BCAS3: variants seen among roughly 807,000 people sequenced by gnomAD.
BCAS3 encodes the protein BCAS3 microtubule associated cell migration factor, also known as BCAS4/BCAS3 fusion.
A neutral mutation model predicts 116.1 loss-of-function variants in BCAS3; 53 were observed. The observed-to-expected ratio is 0.46, with a 90% CI of 0.37 to 0.57. The LOEUF is 0.57. Ranked by LOEUF, BCAS3 falls within the 20% of genes least tolerant of loss-of-function variation. The pLI, the probability that BCAS3 is intolerant of heterozygous loss-of-function variation, is 0.00. For synonymous variants in BCAS3, 391 were observed against 408.2 expected, an observed-to-expected ratio of 0.96 and a Z score of 0.51; for missense variants, 917 against 1,165.4, an observed-to-expected ratio of 0.79 and a Z score of 3.10.
rs560277871 is a variant in BCAS3, at chr17:60,985,141, C to CTTT, written c.1222-4811_1222-4809dup. Among the ~76,000 whole-genome samples, 70 of 120,348 alleles carry CTTT rather than the reference C, an allele frequency of 5.8e-4. No homozygotes were observed. In the East Asian group the frequency reaches 0.011, roughly 19 times the overall value. The allele number at this position is 120,348 out of a possible 152,430, so 79.0% of individuals were successfully genotyped here. On this transcript the variant is annotated intron_variant, in intron 14 of 23. Coordinates refer to ENST00000407086, the MANE Select transcript of BCAS3 (RefSeq NM_017679.5). Reference sequence around the variant, plus strand: ...GAGTTATAAACGATTCAACTGTATTCTTTTTTTTTTTTTTTTTTTTTGAGA... The same window carrying CTTT: ...GAGTTATAAACGATTCAACTGTATTCTTTTTTTTTTTTTTTTTTTTTTTTGAGA...
At position 61,126,394 on chromosome 17, in the gene BCAS3, G is replaced by A. The variant is rs769429727; in HGVS notation, c.2425+41830G>A. ...AGCAGTGTATATGTGTCATGTTATCGCACGTGAACCACTGCCTATGTTAAA... is the reference window on the plus strand; with the variant it reads ...AGCAGTGTATATGTGTCATGTTATCACACGTGAACCACTGCCTATGTTAAA... On this transcript the variant is annotated intron_variant, in intron 22 of 23. Coordinates refer to ENST00000407086, the MANE Select transcript of BCAS3 (RefSeq NM_017679.5). This position sits in a 1 kb window ranked among gnomAD's most constrained non-coding sequence, Gnocchi z 4.6. Among the ~76,000 whole-genome samples the A allele has an allele frequency of 6.6e-6, 1 of 152,116 alleles. No individual in the cohort carries two copies. Among genetic ancestry groups the A allele is most frequent in the Admixed American group, 6.5e-5 (1 of 15,270 alleles).
intron 9 of BCAS3, among the ~76,000 whole-genome samples, chr17:60,880,275 T>A (rs903006301): frequency 2.0e-5 from 3 of 152,186 alleles, no homozygotes; most frequent in African/African-American, 7.2e-5. Flanking sequence ...TTCACTTTTT[T>A]TTTTTTATTG....
chr17:60,865,686 A>G (rs1209111749), intron 7 of BCAS3, among the ~76,000 whole-genome samples: 1 of 152,238 alleles, frequency 6.6e-6, no homozygotes, highest in Non-Finnish European at 1.5e-5. Context: ...AATGTTATCT[A>G]TAAATAGATC....
At position 60,874,677 on chromosome 17, in the gene BCAS3, C is replaced by T; in HGVS notation, c.600C>T (p.Val200=). Reference sequence around the variant, plus strand: ...CTAATTTTAGGATCCTTGTCGTAGTCTTGCAGGAGAAAATTGCTGCCTTTG... The same window carrying T: ...CTAATTTTAGGATCCTTGTCGTAGTTTTGCAGGAGAAAATTGCTGCCTTTG... The part of the protein sequence containing the change: ...LHCNKRILVV[V]LQEKIAAFDS... Residue 200 remains valine, a synonymous_variant, in exon 9 of 24, where the codon GTC becomes GTT. Transcript: ENST00000407086. 1 of 1,608,056 alleles carries T rather than the reference C, an allele frequency of 6.2e-7. No homozygotes were observed. Among genetic ancestry groups the T allele is most frequent in the African/African-American group, 1.3e-5 (1 of 74,632 alleles).
At chr17:60,794,047 C>T (rs778456633) in intron 6 of BCAS3, among the ~76,000 whole-genome samples, 44 of 152,122 alleles carry the variant, frequency 2.9e-4, no homozygotes, top group Admixed American at 7.2e-4. Flanking sequence ...GTTCCCTGAT[C>T]GCCGCATCCA....
At chr17:61,090,325 A>G (rs191192999) in intron 22 of BCAS3, among the ~76,000 whole-genome samples, 1 of 152,356 alleles carries the variant, frequency 6.6e-6, no homozygotes, top group East Asian at 1.9e-4. Context: ...ACTCCAGGGC[A>G]TATACCTTGG....
In BCAS3 at chr17:61,364,326, CG is replaced by C. The variant is rs1278009215; in HGVS notation, c.2426-3998del. Reference sequence around the variant, plus strand: ...CACCACCACCAAACTCCAAGCAACTCGGGCTGGTTGGGAGTGGGAAGGGTTT... The same window carrying C: ...CACCACCACCAAACTCCAAGCAACTCGGCTGGTTGGGAGTGGGAAGGGTTT... On this transcript the variant is annotated intron_variant, in intron 22 of 23. Transcript: ENST00000407086. This position sits in a 1 kb window ranked among gnomAD's most constrained non-coding sequence, Gnocchi z 5.4. Among the ~76,000 whole-genome samples, 4 of 152,172 alleles carry C rather than the reference CG, an allele frequency of 2.6e-5. No homozygotes were observed. The highest frequency in any genetic ancestry group is 9.7e-5 in the African/African-American group (4 of 41,438).
chr17:61,027,796 T>C (rs1355944011), intron 16 of BCAS3, among the ~76,000 whole-genome samples: 2 of 151,904 alleles, frequency 1.3e-5, no homozygotes, highest in Non-Finnish European at 2.9e-5. Flanking sequence ...AATAAGCTGA[T>C]ACATATCTCA....
At chr17:61,054,462 G>A (rs925157602) in intron 19 of BCAS3, among the ~76,000 whole-genome samples, 2 of 152,140 alleles carry the variant, frequency 1.3e-5, no homozygotes, top group African/African-American at 4.8e-5. Flanking sequence ...AACCTCCCAG[G>A]CTCAGGTGAT....
chr17:60,814,381 T>C (rs1433903579), intron 7 of BCAS3, among the ~76,000 whole-genome samples: 1 of 151,936 alleles, frequency 6.6e-6, no homozygotes, highest in Non-Finnish European at 1.5e-5. Flanking sequence ...TATATAGAAA[T>C]GTTACTGATT....
chr17:61,301,381 C>G (rs2053417632), intron 22 of BCAS3, among the ~76,000 whole-genome samples: 1 of 152,304 alleles, frequency 6.6e-6, no homozygotes, highest in Admixed American at 6.5e-5. Flanking sequence ...CGCCTGTAAT[C>G]CCAGCACTTT....
chr17:60,881,530 G>C (rs1227572107), intron 9 of BCAS3, among the ~76,000 whole-genome samples: 2 of 150,654 alleles, frequency 1.3e-5, no homozygotes, highest in Admixed American at 1.3e-4. Flanking sequence ...ATGCTGGTGC[G>C]CTGCACCCAC....
intron 6 of BCAS3, among the ~76,000 whole-genome samples, chr17:60,803,958 C>A (rs560594445): frequency 2.7e-5 from 4 of 150,660 alleles, no homozygotes; most frequent in Non-Finnish European, 5.9e-5. Context: ...TGCACCACCA[C>A]GCCCGGCTAA....
intron 22 of BCAS3, among the ~76,000 whole-genome samples, chr17:61,223,363 T>C (rs1359768032): frequency 6.6e-6 from 1 of 152,292 alleles, no homozygotes; most frequent in East Asian, 1.9e-4. Context: ...TTCACCATGT[T>C]GGTCAGGCTG....
rs147648418 is a variant in BCAS3 at position 60,850,267 on chromosome 17, A to C, written c.477-18309A>C. Among the ~76,000 whole-genome samples the C allele has an allele frequency of 2.1e-4, 32 of 149,434 alleles. No homozygotes were observed. In the East Asian group the frequency reaches 3.8e-3, roughly 18 times the overall value. On this transcript the variant is annotated intron_variant, in intron 7 of 23. Transcript: ENST00000407086. ...TACCCACTATTACAGTATCATAAAG[A>C]TAGTTCCTCTGTCCTGAGAATTCCC...
At chr17:61,174,418 G>T (rs766785653) in intron 22 of BCAS3, among the ~76,000 whole-genome samples, 3 of 152,206 alleles carry the variant, frequency 2.0e-5, no homozygotes, top group Non-Finnish European at 4.4e-5. Context: ...TAGGTCATTT[G>T]TCCTTACATG....
chr17:60,735,115 A>G (rs1345486890), intron 5 of BCAS3, among the ~76,000 whole-genome samples: 2 of 152,108 alleles, frequency 1.3e-5, no homozygotes, highest in Admixed American at 6.6e-5. Context: ...TTAAATTTCA[A>G]ATTCCACTTG....
At chr17:60,925,349 G>A (rs572073902) in intron 13 of BCAS3, among the ~76,000 whole-genome samples, 20 of 152,196 alleles carry the variant, frequency 1.3e-4, no homozygotes, top group African/African-American at 4.1e-4. Flanking sequence ...TAAGTATTGC[G>A]TCTACATCAT....
At position 61,285,332 on chromosome 17, in the gene BCAS3, A is replaced by G. The variant is rs1395014223; in HGVS notation, c.2426-82995A>G. Among the ~76,000 whole-genome samples the G allele has an allele frequency of 1.3e-5, 2 of 152,112 alleles. No homozygotes were observed. The highest frequency in any genetic ancestry group is 2.9e-5 in the Non-Finnish European group (2 of 68,024). On this transcript the variant is annotated intron_variant, in intron 22 of 23. Transcript: ENST00000407086. The surrounding 1 kb of genome is among the most constrained non-coding windows in gnomAD (Gnocchi z 5.4). ...CGGCAGAGTCCCTGCTAATAAATGT[A>G]TATAAAAGAACTGAGTGCTGCTTCT...
Sources: gnomAD v4.1 joint callset for allele counts (sites outside exome capture counted in the v4.1 genomes callset) on GRCh38, gnomAD v4.1.1 for gene constraint, Gnocchi (gnomAD v3.1) non-coding constraint, MANE v1.5 for transcripts, NCBI Gene and HGNC (gene_info 2026-07-23, HGNC 2026-07-21) for gene names.